SLC41A3: variants seen among roughly 807,000 people sequenced by gnomAD.
SLC41A3 encodes the protein SLC41A1-like 2.
SLC41A3 carries 44 observed loss-of-function variants against 45.4 expected under a neutral mutation model. That is an observed-to-expected ratio of 0.97 (90% CI 0.76 to 1.25). SLC41A3 has a LOEUF of 1.25. Ranked by LOEUF, SLC41A3 falls within the 50% of genes most tolerant of loss-of-function variation. The pLI is 0.00. For synonymous variants in SLC41A3, 256 were observed against 252.4 expected (o/e 1.01, Z -0.13); for missense variants, 550 against 600.6 (o/e 0.92, Z 0.88).
intron 1 of SLC41A3, among the ~76,000 whole-genome samples, chr3:126,083,476 G>A (rs945010615): frequency 2.0e-5 from 3 of 152,206 alleles, no homozygotes; most frequent in African/African-American, 4.8e-5. Context: ...GAGAGAGTGT[G>A]GGACTCTGAG....
chr3:126,049,976 CCTT>C, intron 3 of SLC41A3, among the ~76,000 whole-genome samples: 1 of 152,310 alleles, frequency 6.6e-6, no homozygotes, highest in East Asian at 1.9e-4. Context: ...CACTACATGG[CCTT>C]TTTTCCTGTC....
intron 1 of SLC41A3, among the ~76,000 whole-genome samples, chr3:126,097,034 G>A (rs1945617409): frequency 6.6e-6 from 1 of 152,208 alleles, no homozygotes; most frequent in Non-Finnish European, 1.5e-5. Context: ...AGGAAGGTGT[G>A]CTTGGAAGAG....
At chr3:126,067,704 A>T (rs1039054321) in intron 2 of SLC41A3, 2 of 560,944 alleles carry the variant, frequency 3.6e-6, no homozygotes, top group Non-Finnish European at 6.4e-6. Flanking sequence ...GGAAATGATT[A>T]AGTAAATTTT....
At chr3:126,028,921 A>G (rs1416263500) in intron 4 of SLC41A3, among the ~76,000 whole-genome samples, 3 of 152,254 alleles carry the variant, frequency 2.0e-5, no homozygotes, top group Non-Finnish European at 2.9e-5. Context: ...TGACGCCCAT[A>G]ACCCCTTCCT....
chr3:126,012,891 C>T (rs1367635358), intron 8 of SLC41A3, 142 bp from the exon 9 acceptor site: 2 of 1,315,864 alleles, frequency 1.5e-6, no homozygotes, highest in Non-Finnish European at 2.0e-6. Flanking sequence ...CCCACTTGAC[C>T]ACAGATCTTG....
intron 2 of SLC41A3, chr3:126,056,818 G>A: frequency 7.8e-7 from 1 of 1,289,410 alleles, no homozygotes; most frequent in South Asian, 2.1e-5. Context: ...CTCCCTGAAG[G>A]TCAGGCTCTC....
intron 2 of SLC41A3, among the ~76,000 whole-genome samples, chr3:126,053,329 C>G (rs574970270): frequency 1.4e-4 from 21 of 152,314 alleles, no homozygotes; most frequent in African/African-American, 4.8e-4. Context: ...CTGCAAAGCT[C>G]AAAAACCAAC....
chr3:126,081,990 T>C (rs1945178853), intron 1 of SLC41A3, among the ~76,000 whole-genome samples: 1 of 152,252 alleles, frequency 6.6e-6, no homozygotes, highest in Non-Finnish European at 1.5e-5. Context: ...TCACTGTGCC[T>C]GCACATGGTG....
At chr3:126,065,751 G>A (rs1944317413) in intron 2 of SLC41A3, among the ~76,000 whole-genome samples, 1 of 151,876 alleles carries the variant, frequency 6.6e-6, no homozygotes, top group African/African-American at 2.4e-5. Flanking sequence ...CAAAAGCAAA[G>A]TCAAAAGATA....
At chr3:126,071,771 A>G (rs1944630261) in intron 1 of SLC41A3, among the ~76,000 whole-genome samples, 1 of 127,386 alleles carries the variant, frequency 7.9e-6, no homozygotes, top group African/African-American at 3.1e-5. Flanking sequence ...AAATTAAACA[A>G]CTTTTTTTTT....
At chr3:126,090,320 A>C (rs1217574948) in intron 1 of SLC41A3, among the ~76,000 whole-genome samples, 2 of 152,208 alleles carry the variant, frequency 1.3e-5, no homozygotes, top group Non-Finnish European at 2.9e-5. Context: ...AATCAGGACA[A>C]GTATAATGAG....
intron 6 of SLC41A3, among the ~76,000 whole-genome samples, chr3:126,021,081 AGACAG>A (rs1940828066): frequency 6.6e-6 from 1 of 152,008 alleles, no homozygotes. Flanking sequence ...TTTTTAGTAG[AGACAG>A]GATTTCACCG....
At chr3:126,023,132 T>C (rs1941051036) in intron 5 of SLC41A3, 200 bp from the exon 6 acceptor site, 1 of 638,408 alleles carries the variant, frequency 1.6e-6, no homozygotes, top group Non-Finnish European at 2.7e-6. Context: ...CCCACTACAC[T>C]GGAGGCCTGA....
At chr3:126,037,471 A>T (rs1300185701) in intron 3 of SLC41A3, among the ~76,000 whole-genome samples, 1 of 152,212 alleles carries the variant, frequency 6.6e-6, no homozygotes, top group Non-Finnish European at 1.5e-5. Flanking sequence ...TGGGAACTAG[A>T]GAAAAGGTCA....
intron 1 of SLC41A3, among the ~76,000 whole-genome samples, chr3:126,069,064 T>A (rs1944491418): frequency 6.6e-6 from 1 of 152,016 alleles, no homozygotes; most frequent in African/African-American, 2.4e-5. Flanking sequence ...TCTGGGCATC[T>A]ATTAGGTTGG....
intron 9 of SLC41A3, among the ~76,000 whole-genome samples, chr3:126,011,802 C>T (rs774055568): frequency 2.1e-4 from 32 of 152,208 alleles, no homozygotes; most frequent in South Asian, 6.2e-4. Flanking sequence ...CAACTATTGA[C>T]ACCGAATTTT....
At chr3:126,017,889 T>G (rs1244194030) in intron 6 of SLC41A3, among the ~76,000 whole-genome samples, 6 of 152,144 alleles carry the variant, frequency 3.9e-5, no homozygotes, top group African/African-American at 1.4e-4. Flanking sequence ...GCAGGAGATA[T>G]AAGCCAGGCC....
chr3:126,083,466 G>A (rs913996816), intron 1 of SLC41A3, among the ~76,000 whole-genome samples: 2 of 151,594 alleles, frequency 1.3e-5, no homozygotes, highest in Non-Finnish European at 2.9e-5. Context: ...CTCCTGGATG[G>A]AGAGAGTGTG....
At chr3:126,042,878 G>A (rs1425105783) in intron 3 of SLC41A3, among the ~76,000 whole-genome samples, 1 of 151,832 alleles carries the variant, frequency 6.6e-6, no homozygotes, top group Admixed American at 6.6e-5. Flanking sequence ...TAAGATTTAA[G>A]AAAAGTGAAT....
Sources: gnomAD v4.1 joint callset for allele counts (sites outside exome capture counted in the v4.1 genomes callset) on GRCh38, gnomAD v4.1.1 for gene constraint, MANE v1.5 for transcripts, NCBI Gene and HGNC (gene_info 2026-07-23, HGNC 2026-07-21) for gene names.